The following PPP1R9A variants were observed in gnomAD, a reference collection of about 807,000 sequenced individuals.
PPP1R9A encodes the protein protein phosphatase 1 regulatory subunit 9A.
A neutral mutation model predicts 141.9 loss-of-function variants in PPP1R9A; 59 were observed. The ratio of observed to expected loss-of-function variants is 0.42; its 90% CI spans 0.34 to 0.52. The LOEUF (loss-of-function observed/expected upper bound fraction) is 0.52, where lower values mean the gene tolerates loss of function less well. Ranked by LOEUF, PPP1R9A falls within the 20% of genes least tolerant of loss-of-function variation. The pLI is 0.10. For synonymous variants in PPP1R9A, 500 were observed against 569.7 expected (o/e 0.88, Z 1.74); for missense variants, 1,444 against 1,611.9 (o/e 0.90, Z 1.78).
intron 2 of PPP1R9A, among the ~76,000 whole-genome samples, chr7:95,025,929 C>A (rs1806769244): frequency 6.6e-6 from 1 of 152,150 alleles, no homozygotes. Context: ...TCCATCAGAT[C>A]ATTTATGTTC....
At chr7:95,057,445 T>C (rs1008262308) in intron 2 of PPP1R9A, among the ~76,000 whole-genome samples, 1 of 152,140 alleles carries the variant, frequency 6.6e-6, no homozygotes, top group Non-Finnish European at 1.5e-5. Flanking sequence ...GGTTTGTTTC[T>C]CATTTAGTGC....
intron 12 of PPP1R9A, among the ~76,000 whole-genome samples, chr7:95,254,319 G>A (rs75431595): frequency 0.014 from 2,162 of 152,232 alleles, 53 homozygotes; most frequent in African/African-American, 0.049. Flanking sequence ...CTAAAATGGC[G>A]TGGTCAGTAG....
At chr7:95,212,294 C>T (rs1329558203) in intron 7 of PPP1R9A, among the ~76,000 whole-genome samples, 3 of 150,756 alleles carry the variant, frequency 2.0e-5, no homozygotes, top group Admixed American at 6.6e-5. Flanking sequence ...ATATCCATCA[C>T]CAAAGAAAGA....
chr7:94,942,864 C>T (rs1051551087), intron 2 of PPP1R9A, among the ~76,000 whole-genome samples: 1 of 151,266 alleles, frequency 6.6e-6, no homozygotes, highest in African/African-American at 2.4e-5. Flanking sequence ...TAAAAGTTTG[C>T]CAACTGCTGA....
rs915140275 is a variant in PPP1R9A at position 95,283,295 on chromosome 7, A to G, written c.3297-723A>G. Among the ~76,000 whole-genome samples the G allele has an allele frequency of 3.3e-5, 5 of 152,216 alleles. 1 individual carries two copies. Among genetic ancestry groups the G allele is most frequent in the Admixed American group, 3.3e-4 (5 of 15,272 alleles). ...AAACAATAAACATAGACCATTGACA[A>G]TTTGTAAGCACTTTCACATATCTCA... On this transcript the variant is annotated intron_variant, in intron 16 of 19. Transcript: ENST00000433360.
At chr7:94,942,301 C>G (rs1407865125) in intron 2 of PPP1R9A, among the ~76,000 whole-genome samples, 2 of 152,080 alleles carry the variant, frequency 1.3e-5, no homozygotes, top group African/African-American at 4.8e-5. Flanking sequence ...CAACCACTTC[C>G]TAGACTTGGG....
chr7:95,251,800 A>G lies in PPP1R9A; in HGVS notation c.2435A>G (p.Lys812Arg). The change falls in exon 11 of 20, where the codon AAG becomes AGG. Residue 812 changes from lysine (K) to arginine (R), a missense_variant. Physicochemically the swap from Lys to Arg is conservative, Grantham distance 26 (BLOSUM62 2). Transcript: ENST00000433360. ...DFIKRQEAERKKIEDLEKAHL... is the reference protein window; with the variant it reads ...DFIKRQEAERRKIEDLEKAHL... ...ATCAAAAGACAGGAAGCAGAAAGAA[A>G]GAAAATAGAAGATTTGGAAAAAGCT... 1.1e-5 allele frequency: 18 copies of G among 1,613,942 alleles called. No individual in the cohort carries two copies. The highest frequency in any genetic ancestry group is 1.5e-5 in the Non-Finnish European group (18 of 1,179,904).
chr7:95,148,383 G>A (rs1007866582), intron 4 of PPP1R9A, among the ~76,000 whole-genome samples: 3 of 152,046 alleles, frequency 2.0e-5, no homozygotes, highest in African/African-American at 7.2e-5. Context: ...ACTGTGGATG[G>A]CATGGGCACT....
intron 5 of PPP1R9A, among the ~76,000 whole-genome samples, chr7:95,196,280 A>C (rs1836268607): frequency 6.6e-6 from 1 of 152,196 alleles, no homozygotes; most frequent in South Asian, 2.1e-4. Context: ...ATGAAATACC[A>C]CAAGATACCT....
intron 2 of PPP1R9A, among the ~76,000 whole-genome samples, chr7:95,013,151 T>G (rs1804657158): frequency 6.6e-6 from 1 of 152,184 alleles, no homozygotes; most frequent in African/African-American, 2.4e-5. Flanking sequence ...TGACCATTTT[T>G]AATCTTGTGA....
intron 2 of PPP1R9A, among the ~76,000 whole-genome samples, chr7:95,047,306 A>T (rs1267523654): frequency 6.6e-6 from 1 of 152,194 alleles, no homozygotes; most frequent in Non-Finnish European, 1.5e-5. Flanking sequence ...TACATTTTTT[A>T]GTTGATGTGT....
chr7:95,033,261 G>A (rs919599593), intron 2 of PPP1R9A, among the ~76,000 whole-genome samples: 6 of 145,844 alleles, frequency 4.1e-5, no homozygotes, highest in Admixed American at 7.1e-5. Flanking sequence ...TGATCCGCCC[G>A]CCTTGGCCTC....
chr7:95,260,776 G>T (rs1195086912), intron 12 of PPP1R9A, among the ~76,000 whole-genome samples: 1 of 151,902 alleles, frequency 6.6e-6, no homozygotes, highest in Non-Finnish European at 1.5e-5. Context: ...AGGAAAAGTG[G>T]GCTACTTTGT....
At chr7:94,980,488 C>T (rs1319892718) in intron 2 of PPP1R9A, among the ~76,000 whole-genome samples, 1 of 152,152 alleles carries the variant, frequency 6.6e-6, no homozygotes, top group African/African-American at 2.4e-5. Flanking sequence ...GACAGGGTCT[C>T]ACTCTGTCGC....
chr7:95,049,204 A>G (rs1810448677), intron 2 of PPP1R9A, among the ~76,000 whole-genome samples: 1 of 152,154 alleles, frequency 6.6e-6, no homozygotes. Context: ...AACTTCATCA[A>G]CAGTCACTTC....
intron 5 of PPP1R9A, among the ~76,000 whole-genome samples, chr7:95,183,877 A>G (rs117931549): frequency 6.4e-4 from 96 of 150,274 alleles, no homozygotes; most frequent in Non-Finnish European, 9.9e-4. Flanking sequence ...ATTCTATTTT[A>G]TTTTATTTTT....
At chr7:95,264,305 G>A (rs909695999) in intron 12 of PPP1R9A, among the ~76,000 whole-genome samples, 1 of 152,172 alleles carries the variant, frequency 6.6e-6, no homozygotes, top group Admixed American at 6.5e-5. Context: ...CATGAAGTAT[G>A]GCTGTTTCTG....
chr7:95,185,028 T>G (rs1326141762), intron 5 of PPP1R9A, among the ~76,000 whole-genome samples: 3 of 20,194 alleles, frequency 1.5e-4, no homozygotes, highest in African/African-American at 7.4e-4. Context: ...ACTTTTAAGT[T>G]TTTTTTTTTT....
At chr7:95,147,908 T>C (rs73220026) in intron 4 of PPP1R9A, among the ~76,000 whole-genome samples, 18,576 of 152,178 alleles carry the variant, frequency 0.12, 1,268 homozygotes, top group East Asian at 0.19. Context: ...CAGTATTTTA[T>C]TGAGGATTTT....
Sources: allele counts gnomAD v4.1 joint callset (sites outside exome capture counted in the v4.1 genomes callset), GRCh38; gene constraint gnomAD v4.1.1; transcripts MANE v1.5; gene names NCBI Gene and HGNC (gene_info 2026-07-23, HGNC 2026-07-21).